Variants in LEPR observed in about 807,000 individuals in gnomAD.
LEPR encodes the protein leptin receptor.
Under a neutral mutation model 114.7 loss-of-function variants are expected in LEPR, and 56 were observed. The observed-to-expected ratio is 0.49, with a 90% confidence interval of 0.39 to 0.61. LEPR has a LOEUF of 0.61. LEPR is among the 20% of genes least tolerant of loss of function. The pLI, the probability that LEPR is intolerant of heterozygous loss-of-function variation, is 0.00. For synonymous variants in LEPR, 443 were observed against 461.4 expected (o/e 0.96, Z 0.51); for missense variants, 1,202 against 1,352.9 (o/e 0.89, Z 1.75).
chr1:65,436,379 G>C (rs1004323007), intron 2 of LEPR, among the ~76,000 whole-genome samples: 8 of 152,170 alleles, frequency 5.3e-5, no homozygotes, highest in Non-Finnish European at 1.0e-4. Flanking sequence ...AGTCTTTAAG[G>C]AATAATATGT....
chr1:65,512,089 G>C (rs1371802489), intron 2 of LEPR, among the ~76,000 whole-genome samples: 1 of 152,032 alleles, frequency 6.6e-6, no homozygotes, highest in African/African-American at 2.4e-5. Context: ...GAGGGTGAAG[G>C]GGGAGATGCT....
intron 19 of LEPR, chr1:65,634,496 G>A (rs1428604842): frequency 5.3e-6 from 5 of 945,102 alleles, no homozygotes; most frequent in Non-Finnish European, 6.3e-6. Flanking sequence ...TTTTAATAAA[G>A]TTTTATAACT....
chr1:65,546,212 C>T (rs573724665), intron 2 of LEPR, among the ~76,000 whole-genome samples: 38 of 152,170 alleles, frequency 2.5e-4, no homozygotes, highest in African/African-American at 8.7e-4. Context: ...TTACTGTAGC[C>T]TTGTAGTATA....
intron 8 of LEPR, 50 bp from the exon 9 acceptor site, chr1:65,601,342 C>G: frequency 1.9e-6 from 3 of 1,595,598 alleles, no homozygotes; most frequent in Non-Finnish European, 1.7e-6. Context: ...GTACAAATTA[C>G]TTACAGAATG....
chr1:65,571,800 A>C (rs9726304), intron 4 of LEPR, among the ~76,000 whole-genome samples: 7 of 108,682 alleles, frequency 6.4e-5, no homozygotes, highest in African/African-American at 2.1e-4. Context: ...CCAAAAAAAA[A>C]AAAAAAAAAA....
At chr1:65,520,084 C>T (rs1428345288) in intron 2 of LEPR, among the ~76,000 whole-genome samples, 4 of 152,220 alleles carry the variant, frequency 2.6e-5, no homozygotes, top group African/African-American at 4.8e-5. Context: ...AGAATGGTCT[C>T]GATCTCCTGA....
At chr1:65,449,628 G>C (rs1404162873) in intron 2 of LEPR, among the ~76,000 whole-genome samples, 1 of 151,760 alleles carries the variant, frequency 6.6e-6, no homozygotes, top group East Asian at 1.9e-4. Context: ...CTGGAGCCCA[G>C]CTTCCCTCCG....
Position 65,431,901 on chromosome 1 carries a change from T to C in LEPR, c.-21+6523T>C, listed in dbSNP as rs373533129. On this transcript the variant is annotated intron_variant, in intron 2 of 19. Transcript: ENST00000349533. ...TTATATTTGGAAGAGGAGATGATTT[T>C]AGCTGGGAGCAGTGGTAGCACTTTA... 1.1e-5 allele frequency: 17 copies of C among 1,613,952 alleles called. No individual in the cohort carries two copies. The Admixed American group carries it at 2.7e-4, about 25-fold the overall frequency.
chr1:65,429,931 A>T (rs777253310), intron 2 of LEPR: 1 of 1,559,590 alleles, frequency 6.4e-7, no homozygotes, highest in South Asian at 1.2e-5. Context: ...TTGCCAAAAG[A>T]GTCACCTATG....
Position 65,613,547 on chromosome 1 carries a change from A to T in LEPR, c.1996-2461A>T, listed in dbSNP as rs1427119365. ...GGCGGGTGGATCACGAGGTCAGGAG[A>T]TCGAGACCATCCTGGCTAACAAGGT... is the stretch of plus-strand genomic sequence containing the variant. On this transcript the variant is annotated intron_variant, in intron 14 of 19. Transcript: ENST00000349533. 5.0e-5 allele frequency among the ~76,000 whole-genome samples: 5 copies of T among 99,996 alleles called. No individual in the cohort carries two copies. The South Asian group carries it at 1.3e-3, about 27-fold the overall frequency. 65.6% of individuals were successfully genotyped at this position (99,996 alleles called of 152,430 possible).
chr1:65,421,449 C>A, intron 1 of LEPR: 1 of 1,535,992 alleles, frequency 6.5e-7, no homozygotes, highest in Non-Finnish European at 8.7e-7. Context: ...TGCAAGGCTT[C>A]CTGTATTTTG....
At chr1:65,466,078 C>T (rs977495416) in intron 2 of LEPR, among the ~76,000 whole-genome samples, 5 of 152,160 alleles carry the variant, frequency 3.3e-5, no homozygotes, top group Non-Finnish European at 7.3e-5. Context: ...ATGATGTTAG[C>T]TGGTTATTTT....
chr1:65,452,153 G>T, intron 2 of LEPR, among the ~76,000 whole-genome samples: 1 of 152,134 alleles, frequency 6.6e-6, no homozygotes, highest in East Asian at 1.9e-4. Context: ...TGCTGAAGTT[G>T]CTTATCAATT....
intron 2 of LEPR, among the ~76,000 whole-genome samples, chr1:65,557,622 G>T (rs1048210114): frequency 1.3e-5 from 2 of 152,162 alleles, no homozygotes; most frequent in Non-Finnish European, 2.9e-5. Flanking sequence ...GTTTCACTAT[G>T]TTGGCCAGGC....
chr1:65,481,460 G>T (rs1244309813), intron 2 of LEPR, among the ~76,000 whole-genome samples: 2 of 152,068 alleles, frequency 1.3e-5, no homozygotes, highest in African/African-American at 4.8e-5. Context: ...ATTCCTAGTA[G>T]ATAGAGACTG....
chr1:65,451,787 T>G (rs1041235480), intron 2 of LEPR, among the ~76,000 whole-genome samples: 76 of 152,194 alleles, frequency 5.0e-4, no homozygotes, highest in East Asian at 1.4e-3. Context: ...ATATGAACTT[T>G]AAAGTAGTTT....
intron 2 of LEPR, among the ~76,000 whole-genome samples, chr1:65,505,759 T>C (rs1045862963): frequency 2.6e-5 from 4 of 151,928 alleles, no homozygotes; most frequent in African/African-American, 9.7e-5. Context: ...CATCCCTTTT[T>C]TTTTTTTTTA....
intron 2 of LEPR, among the ~76,000 whole-genome samples, chr1:65,472,615 G>GACACACACACACACAC (rs77182938): frequency 0.01 from 1,403 of 137,080 alleles, 31 homozygotes; most frequent in African/African-American, 0.035. Context: ...TATATATATA[G>GACACACACACACACAC]ACACACACAC....
chr1:65,634,997 A>T, intron 19 of LEPR: 1 of 724,504 alleles, frequency 1.4e-6, no homozygotes, highest in Non-Finnish European at 1.7e-6. Context: ...ACATAAGTCT[A>T]TTCCATTATT....
Sources: allele counts gnomAD v4.1 joint callset (sites outside exome capture counted in the v4.1 genomes callset), GRCh38; gene constraint gnomAD v4.1.1; transcripts MANE v1.5; gene names NCBI Gene and HGNC (gene_info 2026-07-23, HGNC 2026-07-21).